GNB5: variants seen among roughly 807,000 people sequenced by gnomAD.
GNB5 encodes G protein subunit beta 5, also known as guanine nucleotide-binding protein subunit beta-5.
In GNB5, 37 loss-of-function variants were observed where a neutral mutation model predicts 55.3. The ratio of observed to expected loss-of-function variants is 0.67; its 90% CI spans 0.51 to 0.88. The LOEUF (loss-of-function observed/expected upper bound fraction) is 0.88, where lower values mean the gene tolerates loss of function less well. Among genes scored for constraint, GNB5 ranks in the 40% least tolerant of loss-of-function variants. The pLI is 0.00. For synonymous variants in GNB5, 219 were observed against 198.5 expected, an observed-to-expected ratio of 1.10 and a Z score of -0.87; for missense variants, 476 against 515.3, an observed-to-expected ratio of 0.92 and a Z score of 0.74.
At position 52,122,404 on chromosome 15, in the gene GNB5, T is replaced by C. The variant is rs1370617344; in HGVS notation, c.*353A>G. On this transcript the variant is annotated 3_prime_UTR_variant, in exon 13 of 13. Coordinates refer to ENST00000261837, the MANE Select transcript of GNB5 (RefSeq NM_016194.4). ...GACTTTAAAGTGCTCTGAAAATGAA[T>C]TGATTCAAAGAAATAATATGGAATA... is the stretch of plus-strand genomic sequence containing the variant. 3 of 226,270 alleles carry C rather than the reference T, an allele frequency of 1.3e-5. No individual in the cohort carries two copies. Among genetic ancestry groups the C allele is most frequent in the Admixed American group, 5.4e-5 (1 of 18,570 alleles). The allele number at this position is 226,270 out of a possible 1,614,324, so 14.0% of individuals were successfully genotyped here. A position where few individuals can be genotyped will look rare whatever the true frequency, so the allele number is the denominator to read the frequency against.
chr15:52,151,774 A>T (rs191062062), intron 4 of GNB5, among the ~76,000 whole-genome samples: 1 of 152,318 alleles, frequency 6.6e-6, no homozygotes, highest in African/African-American at 2.4e-5. Context: ...CCTTATAAGA[A>T]TAAGCTCTTG....
intron 3 of GNB5, among the ~76,000 whole-genome samples, chr15:52,158,393 G>A (rs2034261000): frequency 6.6e-6 from 1 of 152,206 alleles, no homozygotes; most frequent in Non-Finnish European, 1.5e-5. Context: ...AATATTTACT[G>A]AAGGAATAAA....
Position 52,122,741 on chromosome 15 carries a change from C to T in GNB5, c.*16G>A, listed in dbSNP as rs745970614. On this transcript the variant is annotated 3_prime_UTR_variant, in exon 13 of 13. Transcript: ENST00000261837. The stretch of plus-strand genomic sequence containing the variant: ...TCAAATTCTCAGGTATACATGAGTG[C>T]ACTGTCAGAAGATGATTAGGCCCAG... 50 of 1,583,646 alleles carry T rather than the reference C, an allele frequency of 3.2e-5. No homozygotes were observed. The highest frequency in any genetic ancestry group is 6.7e-5 in the Admixed American group (4 of 59,974).
chr15:52,133,716 TC>T (rs1190318497), intron 8 of GNB5, among the ~76,000 whole-genome samples: 1 of 152,220 alleles, frequency 6.6e-6, no homozygotes, highest in Non-Finnish European at 1.5e-5. Context: ...CTTGTTTTCT[TC>T]TTTTGCACAT....
chr15:52,155,968 C>G (rs139980913), intron 3 of GNB5, among the ~76,000 whole-genome samples: 5 of 152,292 alleles, frequency 3.3e-5, no homozygotes, highest in Non-Finnish European at 4.4e-5. Flanking sequence ...TATTTTAATT[C>G]CACTAATGAT....
intron 3 of GNB5, among the ~76,000 whole-genome samples, chr15:52,158,470 C>T (rs984303517): frequency 3.9e-5 from 6 of 152,186 alleles, no homozygotes; most frequent in Admixed American, 3.3e-4. Context: ...CTTTGGTGGG[C>T]GAACAAAACA....
At chr15:52,160,661 A>T (rs953283362) in intron 3 of GNB5, among the ~76,000 whole-genome samples, 1 of 152,182 alleles carries the variant, frequency 6.6e-6, no homozygotes, top group Admixed American at 6.5e-5. Context: ...GCTTAGCCTG[A>T]CCATTCTTAT....
At position 52,118,456 on chromosome 15, in the gene GNB5, G is replaced by C. The variant is rs1043318509; in HGVS notation, c.*4301C>G. 2.6e-5 allele frequency: 4 copies of C among 151,996 alleles called. No homozygotes were observed. The highest frequency in any genetic ancestry group is 7.3e-5 in the African/African-American group (3 of 41,350). 9.4% of individuals were successfully genotyped at this position (151,996 alleles called of 1,614,324 possible). A position where few individuals can be genotyped will look rare whatever the true frequency, so the allele number is the denominator to read the frequency against. On this transcript the variant is annotated 3_prime_UTR_variant, in exon 13 of 13. Transcript: ENST00000261837. ...GAGAAAGATCACCTTGATGGCTAAT[G>C]GAACGTGTGCATCTGTATTCTTGTG... is the stretch of plus-strand genomic sequence containing the variant.
At chr15:52,183,672 A>G (rs903839939) in intron 2 of GNB5, among the ~76,000 whole-genome samples, 2 of 151,984 alleles carry the variant, frequency 1.3e-5, no homozygotes, top group African/African-American at 2.4e-5. Flanking sequence ...TGTATTATGG[A>G]TTTTGTTGTT....
At position 52,117,104 on chromosome 15, in the gene GNB5, T is replaced by TATATATATATATATATATATATATATATA. The variant is rs1566928457; in HGVS notation, c.*5652_*5653insTATATATATATATATATATATATATATAT. The TATATATATATATATATATATATATATATA allele has an allele frequency of 4.5e-5, 3 of 66,072 alleles. No homozygotes were observed. The highest frequency in any genetic ancestry group is 1.5e-4 in the Admixed American group (1 of 6,702). 4.1% of individuals were successfully genotyped at this position (66,072 alleles called of 1,614,324 possible). ...ACGCCCAGCTAATATATATATATAT[T>TATATATATATATATATATATATATATATA]TTTTTTTAGTACAGACAGGGTTTCA... is the stretch of plus-strand genomic sequence containing the variant. On this transcript the variant is annotated 3_prime_UTR_variant, in exon 13 of 13. Transcript: ENST00000261837.
At chr15:52,166,226 C>T (rs1035886287) in intron 3 of GNB5, among the ~76,000 whole-genome samples, 53 of 152,170 alleles carry the variant, frequency 3.5e-4, no homozygotes, top group Non-Finnish European at 7.3e-4. Context: ...GACTTACACT[C>T]CCACACAATA....
intron 9 of GNB5, among the ~76,000 whole-genome samples, chr15:52,133,039 G>T (rs993461271): frequency 6.6e-6 from 1 of 152,264 alleles, no homozygotes; most frequent in East Asian, 1.9e-4. Flanking sequence ...TTTGTCTCCT[G>T]TAAGAGAATA....
At chr15:52,182,531 C>T (rs532468492) in intron 2 of GNB5, among the ~76,000 whole-genome samples, 1 of 152,300 alleles carries the variant, frequency 6.6e-6, no homozygotes, top group Admixed American at 6.5e-5. Flanking sequence ...AATGGTTAGG[C>T]AGTTTTCCAA....
intron 1 of GNB5, among the ~76,000 whole-genome samples, chr15:52,187,766 T>A (rs1303790274): frequency 6.6e-6 from 1 of 151,982 alleles, no homozygotes; most frequent in East Asian, 1.9e-4. Flanking sequence ...CTGGCCAACA[T>A]AAGGAAACCT....
chr15:52,128,968 T>C (rs999598316), intron 9 of GNB5, among the ~76,000 whole-genome samples: 10 of 150,904 alleles, frequency 6.6e-5, no homozygotes, highest in Non-Finnish European at 1.5e-4. Flanking sequence ...TTTTTTTTTT[T>C]TTTTTGAGAC....
chr15:52,190,209 C>A (rs1238198130), intron 1 of GNB5, among the ~76,000 whole-genome samples: 2 of 151,820 alleles, frequency 1.3e-5, no homozygotes, highest in African/African-American at 4.8e-5. Context: ...GCTCCGCCTC[C>A]CAGGTTCATG....
In GNB5 at chr15:52,183,131, A is replaced by G. The variant is rs759040099; in HGVS notation, c.126+1420T>C. On this transcript the variant is annotated intron_variant, in intron 2 of 12. Coordinates refer to ENST00000261837, the MANE Select transcript of GNB5 (RefSeq NM_016194.4). ...CGTGCCACTGCTTCAATTGAAAGCA[A>G]TGGCAAAAACCGCAATTACTTTTGC... Among the ~76,000 whole-genome samples, 16 of 152,332 alleles carry G rather than the reference A, an allele frequency of 1.1e-4. No individual in the cohort carries two copies. In the South Asian group the frequency reaches 1.7e-3, roughly 16 times the overall value.
Position 52,115,920 on chromosome 15 carries a change from CCTA to C in GNB5, c.*6834_*6836del, listed in dbSNP as rs1243847074. 6.6e-6 allele frequency: 1 copy of C among 152,212 alleles called. No individual in the cohort carries two copies. The highest frequency in any genetic ancestry group is 1.5e-5 in the Non-Finnish European group (1 of 68,044). The allele number at this position is 152,212 out of a possible 1,614,324, so 9.4% of individuals were successfully genotyped here. On this transcript the variant is annotated 3_prime_UTR_variant, in exon 13 of 13. Transcript: ENST00000261837. ...TTAGGACCTTTCATATACATGGAAT[CCTA>C]CAACATGTGGCTCTTTGTCTCTGGT...
chr15:52,128,250 G>C lies in GNB5; in HGVS notation c.864-6C>G. 1 of 1,595,290 alleles carries C rather than the reference G, an allele frequency of 6.3e-7. No individual in the cohort carries two copies. Among genetic ancestry groups the C allele is most frequent in the South Asian group, 1.1e-5 (1 of 90,670 alleles). On this transcript the variant is annotated splice_polypyrimidine_tract_variant and splice_region_variant and intron_variant, in intron 9 of 12. Transcript: ENST00000261837. ...CATCTCCACTGGGGTAGTACCTGCAGAGAGAAAGTACTTTATCTACGGTTG... is the reference window on the plus strand; with the variant it reads ...CATCTCCACTGGGGTAGTACCTGCACAGAGAAAGTACTTTATCTACGGTTG...
Sources: gnomAD v4.1 joint callset for allele counts (sites outside exome capture counted in the v4.1 genomes callset) on GRCh38, gnomAD v4.1.1 for gene constraint, MANE v1.5 for transcripts, NCBI Gene and HGNC (gene_info 2026-07-23, HGNC 2026-07-21) for gene names.